GRID1: variants seen among roughly 807,000 people sequenced by gnomAD.
The protein encoded by GRID1 is glutamate ionotropic receptor delta type subunit 1, also known as glutamate receptor ionotropic, delta-1.
GRID1 carries 28 observed loss-of-function variants against 98.0 expected under a neutral mutation model. The ratio of observed to expected loss-of-function variants is 0.29; its 90% CI spans 0.21 to 0.39. The LOEUF is 0.39. Among genes scored for constraint, GRID1 ranks in the 10% least tolerant of loss-of-function variants. GRID1 has a pLI of 1.00. For synonymous variants in GRID1, 553 were observed against 538.5 expected (o/e 1.03, Z -0.37); for missense variants, 1,111 against 1,340.5 (o/e 0.83, Z 2.67).
chr10:86,149,990 T>C (rs1445148536), intron 3 of GRID1, among the ~76,000 whole-genome samples: 2 of 152,380 alleles, frequency 1.3e-5, no homozygotes, highest in African/African-American at 2.4e-5. Flanking sequence ...AATATGCTAA[T>C]GATTTTTAGA....
intron 2 of GRID1, among the ~76,000 whole-genome samples, chr10:86,333,847 G>A (rs139866017): frequency 4.3e-4 from 65 of 152,316 alleles, no homozygotes; most frequent in African/African-American, 1.4e-3. Flanking sequence ...GGAGGAATAA[G>A]AGGGGCTGGT....
intron 8 of GRID1, among the ~76,000 whole-genome samples, chr10:85,792,760 G>A (rs1448034360): frequency 6.6e-6 from 1 of 152,196 alleles, no homozygotes; most frequent in Non-Finnish European, 1.5e-5. Context: ...TATCCCAGTG[G>A]AATGATGGAA....
intron 2 of GRID1, among the ~76,000 whole-genome samples, chr10:86,321,586 G>C (rs753581723): frequency 6.6e-6 from 1 of 152,148 alleles, no homozygotes; most frequent in Non-Finnish European, 1.5e-5. Flanking sequence ...AAGCATATCC[G>C]GGAGAGGGCT....
chr10:85,667,453 A>G (rs1841034305), intron 12 of GRID1, among the ~76,000 whole-genome samples: 1 of 152,202 alleles, frequency 6.6e-6, no homozygotes, highest in South Asian at 2.1e-4. Context: ...TACTCTGTGT[A>G]GGGCAGTGTT....
At chr10:86,246,806 G>A (rs1474077808) in intron 2 of GRID1, among the ~76,000 whole-genome samples, 1 of 152,166 alleles carries the variant, frequency 6.6e-6, no homozygotes, top group East Asian at 1.9e-4. Flanking sequence ...CCCTACACAG[G>A]GCCTCCCCCA....
intron 2 of GRID1, among the ~76,000 whole-genome samples, chr10:86,243,917 CG>C (rs1564716970): frequency 6.6e-6 from 1 of 152,260 alleles, no homozygotes; most frequent in African/African-American, 2.4e-5. Context: ...TCTGCACACA[CG>C]TGCCACACAT....
chr10:86,009,551 G>A (rs373736711), intron 4 of GRID1, among the ~76,000 whole-genome samples: 5 of 152,134 alleles, frequency 3.3e-5, no homozygotes, highest in South Asian at 4.1e-4. Flanking sequence ...ATGGATAATC[G>A]GGAGTTTATT....
At chr10:85,741,791 C>G (rs919306364) in intron 8 of GRID1, among the ~76,000 whole-genome samples, 7 of 152,012 alleles carry the variant, frequency 4.6e-5, no homozygotes, top group African/African-American at 1.7e-4. Flanking sequence ...TGCCTTTAAC[C>G]CCAACCATCA....
At chr10:86,172,486 C>T (rs972904955) in intron 3 of GRID1, among the ~76,000 whole-genome samples, 5 of 152,156 alleles carry the variant, frequency 3.3e-5, no homozygotes, top group Non-Finnish European at 7.4e-5. Flanking sequence ...AGTCTGCCTC[C>T]AGAGCCCACA....
At position 86,138,801 on chromosome 10, in the gene GRID1, C is replaced by T; in HGVS notation, c.726+18G>A. 6.2e-7 allele frequency: 1 copy of T among 1,607,294 alleles called. No homozygotes were observed. Among genetic ancestry groups the T allele is most frequent in the Non-Finnish European group, 8.5e-7 (1 of 1,174,158 alleles). On this transcript the variant is annotated intron_variant, in intron 4 of 15. Transcript: ENST00000327946. ...CCTGGGCACCAGGCCCCTGAGGCCT[C>T]AGGCCCCCATGACCTACCTCGTTGA... is the stretch of plus-strand genomic sequence containing the variant.
intron 2 of GRID1, among the ~76,000 whole-genome samples, chr10:86,256,244 AG>A (rs1846915863): frequency 6.6e-6 from 1 of 152,186 alleles, no homozygotes; most frequent in African/African-American, 2.4e-5. Context: ...TGGCCACGGC[AG>A]GGGCTCTGCT....
intron 5 of GRID1, among the ~76,000 whole-genome samples, chr10:85,902,667 G>A (rs376308167): frequency 5.3e-5 from 8 of 152,130 alleles, no homozygotes; most frequent in African/African-American, 1.9e-4. Flanking sequence ...TCTTAAATTC[G>A]AAGTCACTCA....
chr10:85,618,756 C>T (rs550159003), intron 14 of GRID1, among the ~76,000 whole-genome samples: 21 of 152,122 alleles, frequency 1.4e-4, no homozygotes, highest in East Asian at 9.7e-4. Flanking sequence ...GAAGGGAGGT[C>T]GTGGTGCTTG....
intron 13 of GRID1, among the ~76,000 whole-genome samples, chr10:85,640,296 C>T (rs1257902339): frequency 1.3e-5 from 2 of 152,176 alleles, no homozygotes; most frequent in Non-Finnish European, 2.9e-5. Flanking sequence ...GGGAAGGAGG[C>T]TTACAAAATC....
chr10:85,953,730 G>A (rs1842153982), intron 4 of GRID1, among the ~76,000 whole-genome samples: 1 of 152,184 alleles, frequency 6.6e-6, no homozygotes, highest in Non-Finnish European at 1.5e-5. Context: ...GGTAGTCTCT[G>A]ATGTGCATGA....
intron 12 of GRID1, among the ~76,000 whole-genome samples, chr10:85,681,194 A>G (rs1287157409): frequency 6.6e-6 from 1 of 152,098 alleles, no homozygotes; most frequent in Admixed American, 6.5e-5. Context: ...GATGTGGCCC[A>G]ATCTCATGTT....
intron 8 of GRID1, among the ~76,000 whole-genome samples, chr10:85,841,274 G>A (rs71451244): frequency 5.3e-5 from 8 of 152,210 alleles, no homozygotes; most frequent in Non-Finnish European, 1.2e-4. Flanking sequence ...TGGAATAACT[G>A]GCTAGCCATA....
At chr10:86,090,652 G>A (rs1844132521) in intron 4 of GRID1, among the ~76,000 whole-genome samples, 1 of 152,192 alleles carries the variant, frequency 6.6e-6, no homozygotes, top group Non-Finnish European at 1.5e-5. Flanking sequence ...CAGGAGGCAG[G>A]TCAAGACTGC....
intron 15 of GRID1, chr10:85,605,318 C>A (rs915783041): frequency 6.6e-6 from 1 of 152,198 alleles, no homozygotes; most frequent in Admixed American, 6.5e-5. Flanking sequence ...ACCAGGGAGT[C>A]TGGAAGCTGA....
Sources: gnomAD v4.1 joint callset for allele counts (sites outside exome capture counted in the v4.1 genomes callset) on GRCh38, gnomAD v4.1.1 for gene constraint, MANE v1.5 for transcripts, NCBI Gene and HGNC (gene_info 2026-07-23, HGNC 2026-07-21) for gene names.